NRXN1: variants seen among roughly 807,000 people sequenced by gnomAD.
NRXN1 encodes neurexin-1.
In NRXN1, 39 loss-of-function variants were observed where a neutral mutation model predicts 150.9. The ratio of observed to expected loss-of-function variants is 0.26; its 90% CI spans 0.20 to 0.34. The LOEUF is 0.34. NRXN1 is among the 10% of genes least tolerant of loss of function. The pLI is 1.00. For missense variants in NRXN1, 1,815 were observed against 1,949.9 expected, an observed-to-expected ratio of 0.93 and a Z score of 1.30; for synonymous variants, 924 against 757.0, an observed-to-expected ratio of 1.22 and a Z score of -3.62.
chr2:50,134,064 T>A (rs1304428564), intron 18 of NRXN1, among the ~76,000 whole-genome samples: 4 of 152,096 alleles, frequency 2.6e-5, no homozygotes, highest in Non-Finnish European at 5.9e-5. Flanking sequence ...ATTCTTGTAT[T>A]TCCTGGGAAG....
At chr2:50,070,643 G>A (rs899601789) in intron 19 of NRXN1, among the ~76,000 whole-genome samples, 13 of 151,112 alleles carry the variant, frequency 8.6e-5, no homozygotes, top group African/African-American at 3.2e-4. Flanking sequence ...AGTGGCGGGC[G>A]CCTGTAGTCC....
At chr2:50,004,731 G>A (rs2193865) in intron 21 of NRXN1, among the ~76,000 whole-genome samples, 134,263 of 152,214 alleles carry the variant, frequency 0.88, 59,521 homozygotes, top group African/African-American at 0.97. Flanking sequence ...AGTTGACACT[G>A]TGAGCTGTGG....
At chr2:50,592,993 T>C (rs547894898) in intron 8 of NRXN1, among the ~76,000 whole-genome samples, 1 of 152,278 alleles carries the variant, frequency 6.6e-6, no homozygotes, top group South Asian at 2.1e-4. Context: ...GATCAATAAT[T>C]ACTACTCTAA....
chr2:50,035,813 T>C (rs1459982269), intron 21 of NRXN1, among the ~76,000 whole-genome samples: 2 of 152,128 alleles, frequency 1.3e-5, no homozygotes, highest in African/African-American at 4.8e-5. Flanking sequence ...TTCCAAATTA[T>C]GTCCTGTCTC....
Position 50,180,411 on chromosome 2 carries a change from T to A in NRXN1, c.3546+56378A>T, listed in dbSNP as rs1005021600. Among the ~76,000 whole-genome samples, 4 of 152,112 alleles carry A rather than the reference T, an allele frequency of 2.6e-5. No homozygotes were observed. The South Asian group carries it at 8.3e-4, about 32-fold the overall frequency. Reference sequence around the variant, plus strand: ...CACCTTGCTAGTGTTCCAGCATGTATAATCCCCTGTTATAGCCTGAATGTG... The same window carrying A: ...CACCTTGCTAGTGTTCCAGCATGTAAAATCCCCTGTTATAGCCTGAATGTG... On this transcript the variant is annotated intron_variant, in intron 18 of 22. Coordinates refer to ENST00000401669, the MANE Select transcript of NRXN1 (RefSeq NM_001330078.2).
At chr2:50,862,257 G>A (rs1322196717) in intron 5 of NRXN1, among the ~76,000 whole-genome samples, 1 of 151,790 alleles carries the variant, frequency 6.6e-6, no homozygotes, top group Non-Finnish European at 1.5e-5. Context: ...TGCAGAGTCA[G>A]GGAAGCTAAG....
intron 21 of NRXN1, among the ~76,000 whole-genome samples, chr2:49,962,387 C>T (rs1253053026): frequency 1.3e-5 from 2 of 152,156 alleles, no homozygotes; most frequent in Non-Finnish European, 2.9e-5. Context: ...TGTAATGACT[C>T]TGTAAAAGTT....
At chr2:50,355,668 T>C (rs1014993533) in intron 17 of NRXN1, among the ~76,000 whole-genome samples, 2 of 152,216 alleles carry the variant, frequency 1.3e-5, no homozygotes, top group Non-Finnish European at 2.9e-5. Flanking sequence ...CAAATGTTAA[T>C]ATATATTTCC....
At chr2:50,500,368 G>A (rs1241297385) in intron 13 of NRXN1, among the ~76,000 whole-genome samples, 1 of 152,046 alleles carries the variant, frequency 6.6e-6, no homozygotes, top group Non-Finnish European at 1.5e-5. Context: ...TATAATTACA[G>A]TGATGGTAGA....
At chr2:50,352,524 C>A (rs1404229564) in intron 17 of NRXN1, among the ~76,000 whole-genome samples, 1 of 151,802 alleles carries the variant, frequency 6.6e-6, no homozygotes, top group Non-Finnish European at 1.5e-5. Flanking sequence ...AGAAGAGTGT[C>A]GGTCTTGCAT....
intron 2 of NRXN1, among the ~76,000 whole-genome samples, chr2:51,024,422 A>C (rs994366682): frequency 6.6e-6 from 1 of 152,152 alleles, no homozygotes; most frequent in African/African-American, 2.4e-5. Context: ...TGAACTGGAA[A>C]TCTTATTTGC....
chr2:50,010,589 T>C (rs1332151695), intron 21 of NRXN1, among the ~76,000 whole-genome samples: 1 of 152,062 alleles, frequency 6.6e-6, no homozygotes, highest in African/African-American at 2.4e-5. Flanking sequence ...GCATGCATTC[T>C]CTCTCAGGAG....
rs185635200 is a variant in NRXN1, at chr2:50,824,720, C to T, written c.832+97149G>A. ...TGAATCTAGGGCCCAGAAAAAAATACCCACTTCTCCAGGGTCATGCAAGGC... is the reference window on the plus strand; with the variant it reads ...TGAATCTAGGGCCCAGAAAAAAATATCCACTTCTCCAGGGTCATGCAAGGC... On this transcript the variant is annotated intron_variant, in intron 5 of 22. Transcript: ENST00000401669. Among the ~76,000 whole-genome samples the T allele has an allele frequency of 1.1e-3, 160 of 152,204 alleles. 1 individual carries two copies. The highest frequency in any genetic ancestry group is 3.5e-3 in the African/African-American group (147 of 41,540).
chr2:50,984,715 G>C, intron 2 of NRXN1, among the ~76,000 whole-genome samples: 1 of 151,994 alleles, frequency 6.6e-6, no homozygotes, highest in East Asian at 1.9e-4. Flanking sequence ...ATATGGATAA[G>C]GGCACCAGAG....
chr2:49,947,613 G>C (rs1233935877), intron 21 of NRXN1, among the ~76,000 whole-genome samples: 1 of 140,406 alleles, frequency 7.1e-6, no homozygotes, highest in African/African-American at 2.7e-5. Context: ...ACTCCTACCT[G>C]AGCCTCCCGA....
intron 5 of NRXN1, among the ~76,000 whole-genome samples, chr2:50,788,334 G>A (rs528034660): frequency 1.8e-4 from 28 of 151,938 alleles, no homozygotes; most frequent in Non-Finnish European, 2.4e-4. Flanking sequence ...GTGATCCGCC[G>A]CCTCGGCCTC....
chr2:50,276,283 T>A (rs2070454808), intron 17 of NRXN1, among the ~76,000 whole-genome samples: 1 of 152,108 alleles, frequency 6.6e-6, no homozygotes, highest in Admixed American at 6.5e-5. Context: ...ATAAAAAGCC[T>A]AACACTCATT....
chr2:50,090,127 A>G (rs1160415357), intron 19 of NRXN1, among the ~76,000 whole-genome samples: 1 of 152,166 alleles, frequency 6.6e-6, no homozygotes, highest in Non-Finnish European at 1.5e-5. Context: ...TTCAGCAAAT[A>G]TTGGCAGAGT....
intron 5 of NRXN1, among the ~76,000 whole-genome samples, chr2:50,910,653 C>T (rs911743152): frequency 2.0e-5 from 3 of 151,804 alleles, no homozygotes; most frequent in Non-Finnish European, 2.9e-5. Flanking sequence ...AGTGACTGAC[C>T]AATAATAAAT....
Sources: allele counts gnomAD v4.1 joint callset (sites outside exome capture counted in the v4.1 genomes callset), GRCh38; gene constraint gnomAD v4.1.1; transcripts MANE v1.5; gene names NCBI Gene and HGNC (gene_info 2026-07-23, HGNC 2026-07-21).